The following SECISBP2L variants were observed in gnomAD, a reference collection of about 807,000 sequenced individuals.
SECISBP2L encodes selenocysteine insertion sequence-binding protein 2-like.
Under a neutral mutation model 114.7 loss-of-function variants are expected in SECISBP2L, and 43 were observed. The observed-to-expected ratio is 0.38, with a 90% confidence interval of 0.29 to 0.48. The LOEUF (loss-of-function observed/expected upper bound fraction) is 0.48. Ranked by LOEUF, SECISBP2L falls within the 20% of genes least tolerant of loss-of-function variation. The probability of loss-of-function intolerance (pLI) is 0.98; values close to 1 mark genes in which losing one functional copy is unlikely to be tolerated. For synonymous variants in SECISBP2L, 451 were observed against 439.7 expected (o/e 1.03, Z -0.32); for missense variants, 1,136 against 1,301.1 (o/e 0.87, Z 1.95).
chr15:49,031,693 G>A (rs1328378233), intron 4 of SECISBP2L, among the ~76,000 whole-genome samples: 2 of 152,020 alleles, frequency 1.3e-5, no homozygotes, highest in Admixed American at 6.6e-5. Flanking sequence ...CCTCAGATTT[G>A]AAAACTAAAA....
At chr15:49,003,241 G>A (rs1902247280) in intron 14 of SECISBP2L, among the ~76,000 whole-genome samples, 1 of 151,112 alleles carries the variant, frequency 6.6e-6, no homozygotes, top group South Asian at 2.1e-4. Context: ...TCATTATTTG[G>A]CTATTATTGG....
Position 48,991,600 on chromosome 15 carries a change from CA to C in SECISBP2L, c.*643del, listed in dbSNP as rs1205448934. 6.6e-6 allele frequency: 1 copy of C among 152,606 alleles called. No individual in the cohort carries two copies. The allele number at this position is 152,606 out of a possible 1,614,324, so 9.5% of individuals were successfully genotyped here. A position where few individuals can be genotyped will look rare whatever the true frequency, so the allele number is the denominator to read the frequency against. On this transcript the variant is annotated 3_prime_UTR_variant, in exon 18 of 18. Coordinates refer to ENST00000559471, the MANE Select transcript of SECISBP2L (RefSeq NM_001193489.2). ...TATAGACAGCATCTATCACTTTCCA[CA>C]AATGAGGCTAGCTAGCTATAATCTA...
At position 49,012,734 on chromosome 15, in the gene SECISBP2L, TA is replaced by T; in HGVS notation, c.1644del (p.Phe548LeufsTer22). 1.2e-6 allele frequency: 2 copies of T among 1,613,964 alleles called. No individual in the cohort carries two copies. The highest frequency in any genetic ancestry group is 1.7e-6 in the Non-Finnish European group (2 of 1,179,934). On this transcript the variant is annotated frameshift_variant, in exon 12 of 18. Transcript: ENST00000559471. LOFTEE classifies it high-confidence loss of function. ...TTAGAAGAAGCAATGTCCACAGAAT[TA>T]AAGGATGTCAAACAGGGCTGACTTT... is the stretch of plus-strand genomic sequence containing the variant. The part of the protein sequence containing the change: ...LTKSQPCLTS[F>X]NSVDIASSKA...
rs1340195923 is a variant in SECISBP2L, at chr15:49,028,655, G to T, written c.692C>A (p.Ser231Tyr). 3.1e-6 allele frequency: 5 copies of T among 1,613,964 alleles called. No homozygotes were observed. The highest frequency in any genetic ancestry group is 4.2e-6 in the Non-Finnish European group (5 of 1,179,990). Residue 231 changes from serine to tyrosine, a missense_variant, in exon 5 of 18, where the codon TCT (serine) becomes TAT (tyrosine). By Grantham distance (144) the Ser-to-Tyr change is moderately radical. Coordinates refer to ENST00000559471, the MANE Select transcript of SECISBP2L (RefSeq NM_001193489.2). Reference sequence around the variant, plus strand: ...CATTGTTGCAGTGGTCTCTGAGAGAGACTTGTTAGCGATATCTGATGGGAA... The same window carrying T: ...CATTGTTGCAGTGGTCTCTGAGAGATACTTGTTAGCGATATCTGATGGGAA... ...TDFPSDIANK[S>Y]LSETTATMLW...
chr15:49,041,463 C>T (rs1487910479), intron 1 of SECISBP2L, among the ~76,000 whole-genome samples: 1 of 152,110 alleles, frequency 6.6e-6, no homozygotes, highest in African/African-American at 2.4e-5. Context: ...TCATTGAGAG[C>T]CTATATAATT....
intron 1 of SECISBP2L, among the ~76,000 whole-genome samples, chr15:49,038,290 GCA>G (rs1256705502): frequency 3.9e-5 from 6 of 152,074 alleles, no homozygotes; most frequent in Admixed American, 2.6e-4. Context: ...GAAAAAATCT[GCA>G]CAGTTAAACT....
intron 16 of SECISBP2L, among the ~76,000 whole-genome samples, chr15:48,998,743 A>G (rs576619618): frequency 6.6e-6 from 1 of 152,182 alleles, no homozygotes; most frequent in Admixed American, 6.5e-5. Flanking sequence ...TTGATAATAT[A>G]CCAAGCTGGT....
At chr15:49,011,648 A>G in intron 13 of SECISBP2L, 83 bp downstream of exon 13, 2 of 1,456,006 alleles carry the variant, frequency 1.4e-6, no homozygotes, top group Non-Finnish European at 1.9e-6. Context: ...TCCAATCAGG[A>G]GCATTAACTA....
At chr15:49,034,597 A>C (rs1902965325) in intron 3 of SECISBP2L, among the ~76,000 whole-genome samples, 1 of 151,932 alleles carries the variant, frequency 6.6e-6, no homozygotes, top group South Asian at 2.1e-4. Flanking sequence ...AGTTGAAGCG[A>C]TCTAATGAAC....
intron 5 of SECISBP2L, 62 bp downstream of exon 5, chr15:49,028,391 G>A: frequency 6.8e-7 from 1 of 1,468,672 alleles, no homozygotes; most frequent in South Asian, 1.2e-5. Flanking sequence ...CTTTAGCAGA[G>A]GATGCAAAAT....
At chr15:49,020,030 G>A (rs1170704631) in intron 7 of SECISBP2L, among the ~76,000 whole-genome samples, 2 of 152,218 alleles carry the variant, frequency 1.3e-5, no homozygotes, top group African/African-American at 4.8e-5. Context: ...TAGAAAGGGA[G>A]AATAGATCAG....
chr15:49,031,893 G>C (rs1309405995), intron 4 of SECISBP2L, among the ~76,000 whole-genome samples: 2 of 152,120 alleles, frequency 1.3e-5, no homozygotes, highest in African/African-American at 4.8e-5. Flanking sequence ...ACTATGACTA[G>C]AGACAACCAA....
intron 15 of SECISBP2L, among the ~76,000 whole-genome samples, chr15:49,000,277 G>T (rs1595782281): frequency 6.6e-6 from 1 of 152,194 alleles, no homozygotes; most frequent in Admixed American, 6.5e-5. Context: ...TTATAATAAA[G>T]AAATTAATTA....
chr15:49,032,590 G>A (rs1352537409), intron 4 of SECISBP2L, among the ~76,000 whole-genome samples: 1 of 152,084 alleles, frequency 6.6e-6, no homozygotes, highest in African/African-American at 2.4e-5. Flanking sequence ...AAGATATATA[G>A]GATATTAGGA....
intron 8 of SECISBP2L, among the ~76,000 whole-genome samples, chr15:49,018,325 C>T (rs1329757333): frequency 1.3e-5 from 2 of 150,272 alleles, no homozygotes. Context: ...GGCACAATCT[C>T]GGCTCACTGC....
At position 49,016,944 on chromosome 15, in the gene SECISBP2L, G is replaced by T; in HGVS notation, c.1323C>A (p.Pro441=). The change falls in exon 10 of 18, where the codon CCC becomes CCA. Residue 441 remains proline, a synonymous_variant. Coordinates refer to ENST00000559471, the MANE Select transcript of SECISBP2L (RefSeq NM_001193489.2). ...TCTTCTTCTGACTTTTTGCACGTTT[G>T]GGAACTGAGGTGGTAATAGGAATTG... ...QTPIPITTSV[P]KRAKSQKKKA... 6.2e-7 allele frequency: 1 copy of T among 1,614,034 alleles called. No individual in the cohort carries two copies. Among genetic ancestry groups the T allele is most frequent in the Non-Finnish European group, 8.5e-7 (1 of 1,179,942 alleles).
chr15:48,997,576 T>C (rs752669293), intron 16 of SECISBP2L, among the ~76,000 whole-genome samples: 2 of 152,172 alleles, frequency 1.3e-5, no homozygotes, highest in Non-Finnish European at 2.9e-5. Context: ...CATATTCACA[T>C]CTAATGAGAT....
chr15:49,016,636 C>A lies in SECISBP2L; in HGVS notation c.1485G>T (p.Met495Ile), dbSNP rs746371480. 1.2e-6 allele frequency: 2 copies of A among 1,610,376 alleles called. No individual in the cohort carries two copies. The highest frequency in any genetic ancestry group is 1.7e-5 in the Admixed American group (1 of 59,912). ...KTPVQLDLGD[M>I]LAALEKQQQA... ...GCTGTTGTTTTTCCAGAGCAGCTAA[C>A]ATGTCCCCTAAATCTAGCTGCACAG... Residue 495 changes from methionine to isoleucine, a missense_variant, in exon 11 of 18, where the codon ATG becomes ATT. This residue lies in a region of SECISBP2L where 684 missense variants were observed against 848.7 expected (regional missense o/e 0.81). Coordinates refer to ENST00000559471, the MANE Select transcript of SECISBP2L (RefSeq NM_001193489.2).
At chr15:49,010,067 G>A (rs4775796) in intron 13 of SECISBP2L, among the ~76,000 whole-genome samples, 75,197 of 150,718 alleles carry the variant, frequency 0.5, 21,015 homozygotes, top group Non-Finnish European at 0.63. Flanking sequence ...CGGAGGTGGA[G>A]GTTGCAGTGA....
Sources: gnomAD v4.1 joint callset for allele counts (sites outside exome capture counted in the v4.1 genomes callset) on GRCh38, gnomAD v4.1.1 for gene constraint, gnomAD v4.1.1 regional missense constraint, MANE v1.5 for transcripts, NCBI Gene and HGNC (gene_info 2026-07-23, HGNC 2026-07-21) for gene names.